The following SLC35F5 variants were observed in gnomAD, a reference collection of about 807,000 sequenced individuals.
The protein encoded by SLC35F5 is solute carrier family 35 member F5.
In SLC35F5, 54 loss-of-function variants were observed where a neutral mutation model predicts 68.6. The observed-to-expected ratio is 0.79, with a 90% CI of 0.63 to 0.99. The LOEUF is 0.99. SLC35F5 is among the 50% of genes least tolerant of loss of function. The pLI is 0.00. For synonymous variants in SLC35F5, 211 were observed against 205.2 expected (o/e 1.03, Z -0.24); for missense variants, 567 against 626.9 (o/e 0.90, Z 1.02).
intron 15 of SLC35F5, among the ~76,000 whole-genome samples, chr2:113,715,598 G>A (rs1242619854): frequency 6.6e-6 from 1 of 152,082 alleles, no homozygotes; most frequent in Non-Finnish European, 1.5e-5. Flanking sequence ...GTGTGAGTAC[G>A]AGAACAATGC....
intron 14 of SLC35F5, among the ~76,000 whole-genome samples, chr2:113,718,102 GAGAC>G (rs1399662209): frequency 6.6e-6 from 1 of 152,112 alleles, no homozygotes; most frequent in African/African-American, 2.4e-5. Flanking sequence ...TTTTAAATAA[GAGAC>G]AGGGTATCAC....
rs1686816750 is a variant in SLC35F5, at chr2:113,707,023, T to A, written c.*8195A>T. Among the ~76,000 whole-genome samples, 1 of 152,208 alleles carries A rather than the reference T, an allele frequency of 6.6e-6. No homozygotes were observed. Among genetic ancestry groups the A allele is most frequent in the Admixed American group, 6.5e-5 (1 of 15,286 alleles). ...TAAGTAGGAATTATAATTAATTTTATAATTGTGTTTAAATTTTAAATACTC... is the reference window on the plus strand; with the variant it reads ...TAAGTAGGAATTATAATTAATTTTAAAATTGTGTTTAAATTTTAAATACTC... On this transcript the variant is annotated 3_prime_UTR_variant, in exon 16 of 16. Coordinates refer to ENST00000245680, the MANE Select transcript of SLC35F5 (RefSeq NM_025181.5).
chr2:113,714,640 T>C lies in SLC35F5; in HGVS notation c.*578A>G, dbSNP rs903687982. ...GTAAATGTAGTGTAAGTGAACCAGATATTTTCTCAAATACTTATTCTTTTT... is the reference window on the plus strand; with the variant it reads ...GTAAATGTAGTGTAAGTGAACCAGACATTTTCTCAAATACTTATTCTTTTT... On this transcript the variant is annotated 3_prime_UTR_variant, in exon 16 of 16. Coordinates refer to ENST00000245680, the MANE Select transcript of SLC35F5 (RefSeq NM_025181.5). 2.0e-5 allele frequency: 3 copies of C among 152,168 alleles called. No homozygotes were observed. Among genetic ancestry groups the C allele is most frequent in the African/African-American group, 4.8e-5 (2 of 41,468 alleles). 9.4% of individuals were successfully genotyped at this position (152,168 alleles called of 1,614,324 possible).
rs566047453 is a variant in SLC35F5 at position 113,715,422 on chromosome 2, T to C, written c.*23-227A>G. Reference sequence around the variant, plus strand: ...AACACTAAAGACTGTGTATTAGCAGTTAGTTGTACTCCTGGTATATTCCAC... The same window carrying C: ...AACACTAAAGACTGTGTATTAGCAGCTAGTTGTACTCCTGGTATATTCCAC... On this transcript the variant is annotated intron_variant, in intron 15 of 15. Transcript: ENST00000245680. 9.5e-4 allele frequency among the ~76,000 whole-genome samples: 144 copies of C among 152,322 alleles called. 1 individual carries two copies. Among genetic ancestry groups the C allele is most frequent in the African/African-American group, 3.3e-3 (138 of 41,578 alleles).
chr2:113,706,321 G>A (rs1334326932), downstream of SLC35F5, among the ~76,000 whole-genome samples: 1 of 152,122 alleles, frequency 6.6e-6, no homozygotes, highest in Non-Finnish European at 1.5e-5. Flanking sequence ...TTTGCCTCCA[G>A]CTGCAGCACC....
At chr2:113,722,045 G>A (rs1446171075) in intron 13 of SLC35F5, among the ~76,000 whole-genome samples, 1 of 140,918 alleles carries the variant, frequency 7.1e-6, no homozygotes, top group African/African-American at 2.7e-5. Flanking sequence ...CATGATCTTG[G>A]CTCACTGCAA....
chr2:113,734,447 A>G (rs1264582227), intron 9 of SLC35F5, 139 bp downstream of exon 9: 1 of 586,566 alleles, frequency 1.7e-6, no homozygotes, highest in African/African-American at 1.9e-5. Context: ...AGGGCTAAGT[A>G]GCATCATGTC....
chr2:113,739,897 T>G lies in SLC35F5; in HGVS notation c.750+2795A>C, dbSNP rs115220622. 9.8e-3 allele frequency among the ~76,000 whole-genome samples: 1,500 copies of G among 152,358 alleles called. 33 individuals carry two copies. Among genetic ancestry groups the G allele is most frequent in the African/African-American group, 0.034 (1,433 of 41,582 alleles). On this transcript the variant is annotated intron_variant, in intron 7 of 15. Transcript: ENST00000245680. ...TGTATGTTGTATGTATTGTATACTA[T>G]ATGCTTACAATAAAGTAAGCTAAAG...
At position 113,756,509 on chromosome 2, in the gene SLC35F5, C is replaced by T; in HGVS notation, c.-100G>A. Reference sequence around the variant, plus strand: ...CTGACATCGCGCCGCACTGGAGGCCCAGCTCCTGAAGACGCGGTGCCCCTC... The same window carrying T: ...CTGACATCGCGCCGCACTGGAGGCCTAGCTCCTGAAGACGCGGTGCCCCTC... On this transcript the variant is annotated 5_prime_UTR_variant, in exon 1 of 16. Coordinates refer to ENST00000245680, the MANE Select transcript of SLC35F5 (RefSeq NM_025181.5). 6.6e-7 allele frequency: 1 copy of T among 1,511,986 alleles called. No homozygotes were observed. Among genetic ancestry groups the T allele is most frequent in the East Asian group, 2.5e-5 (1 of 40,400 alleles). 93.7% of individuals were successfully genotyped at this position (1,511,986 alleles called of 1,614,324 possible). A position where few individuals can be genotyped will look rare whatever the true frequency, so the allele number is the denominator to read the frequency against.
chr2:113,714,455 C>T lies in SLC35F5; in HGVS notation c.*763G>A, dbSNP rs1190879207. 1 of 152,102 alleles carries T rather than the reference C, an allele frequency of 6.6e-6. No individual in the cohort carries two copies. The highest frequency in any genetic ancestry group is 1.5e-5 in the Non-Finnish European group (1 of 67,936). 9.4% of individuals were successfully genotyped at this position (152,102 alleles called of 1,614,324 possible). A position where few individuals can be genotyped will look rare whatever the true frequency, so the allele number is the denominator to read the frequency against. The stretch of plus-strand genomic sequence containing the variant: ...TTGAAGGGAGACTATTTCTTCAAAA[C>T]TCTAAATTAAACAGAGCTTTATCAA... On this transcript the variant is annotated 3_prime_UTR_variant, in exon 16 of 16. Transcript: ENST00000245680.
At chr2:113,725,870 C>T (rs1012547181) in intron 11 of SLC35F5, 1 of 173,676 alleles carries the variant, frequency 5.8e-6, no homozygotes, top group African/African-American at 2.4e-5. Flanking sequence ...AAAGAAATAA[C>T]TGGTATGTAT....
intron 12 of SLC35F5, 125 bp from the exon 13 acceptor site, chr2:113,723,319 G>A: frequency 2.3e-6 from 1 of 440,898 alleles, no homozygotes; most frequent in South Asian, 9.9e-5. Flanking sequence ...AGGCTAGGAT[G>A]GATTGAAACA....
chr2:113,713,749 T>TAAAA lies in SLC35F5; in HGVS notation c.*1465_*1468dup, dbSNP rs879896652. ...TTTTTGCCACTTTGGGCTGGATGAT[T>TAAAA]AAAAAAAAAAAAAAAAAAAAAGAGA... is the stretch of plus-strand genomic sequence containing the variant. On this transcript the variant is annotated 3_prime_UTR_variant, in exon 16 of 16. Transcript: ENST00000245680. The TAAAA allele has an allele frequency of 6.1e-5, 6 of 98,466 alleles. No individual in the cohort carries two copies. Among genetic ancestry groups the TAAAA allele is most frequent in the Admixed American group, 1.1e-4 (1 of 9,500 alleles). 6.1% of individuals were successfully genotyped at this position (98,466 alleles called of 1,614,324 possible).
At chr2:113,704,590 C>T (rs938153529), downstream of SLC35F5, among the ~76,000 whole-genome samples, 11 of 152,088 alleles carry the variant, frequency 7.2e-5, no homozygotes, top group South Asian at 2.1e-4. Context: ...TCGAGCGCAG[C>T]GCCGGTGGGC....
At chr2:113,742,929 A>G (rs1429984899) in intron 6 of SLC35F5, 50 bp from the exon 7 acceptor site, 3 of 1,536,710 alleles carry the variant, frequency 2.0e-6, no homozygotes, top group Non-Finnish European at 2.7e-6. Flanking sequence ...CCTCTCCAAC[A>G]AAAGTCACAA....
chr2:113,750,548 G>A lies in SLC35F5; in HGVS notation c.294C>T (p.Asn98=), dbSNP rs753136586. The A allele has an allele frequency of 6.2e-7, 1 of 1,610,946 alleles. No individual in the cohort carries two copies. Among genetic ancestry groups the A allele is most frequent in the South Asian group, 1.1e-5 (1 of 90,438 alleles). ...TTGCAAAGGTGCTGAAGAATGGTTT[G>A]TTGTACTGGGTAAAAACATACTGTA... ...ELTSYVFTQY[N]KPFFSTFAKT... Residue 98 remains asparagine (N), a synonymous_variant, in exon 4 of 16, where the codon AAC becomes AAT. Coordinates refer to ENST00000245680, the MANE Select transcript of SLC35F5 (RefSeq NM_025181.5).
Position 113,712,489 on chromosome 2 carries a change from G to T in SLC35F5, c.*2729C>A, listed in dbSNP as rs1393165325. Among the ~76,000 whole-genome samples, 1 of 151,896 alleles carries T rather than the reference G, an allele frequency of 6.6e-6. No individual in the cohort carries two copies. The highest frequency in any genetic ancestry group is 1.5e-5 in the Non-Finnish European group (1 of 67,970). ...CGCCACCACGCCCGGCTAATTCTTT[G>T]TATTTTTAGTAGAGACGGGGTTTCA... On this transcript the variant is annotated 3_prime_UTR_variant, in exon 16 of 16. Coordinates refer to ENST00000245680, the MANE Select transcript of SLC35F5 (RefSeq NM_025181.5).
At chr2:113,724,128 T>C (rs1687565860) in intron 12 of SLC35F5, among the ~76,000 whole-genome samples, 1 of 152,184 alleles carries the variant, frequency 6.6e-6, no homozygotes, top group East Asian at 1.9e-4. Context: ...TCCTTATTGA[T>C]GAGGTAAAGG....
intron 10 of SLC35F5, among the ~76,000 whole-genome samples, chr2:113,730,000 T>C (rs867074224): frequency 1.3e-5 from 2 of 152,174 alleles, no homozygotes; most frequent in African/African-American, 2.4e-5. Context: ...TAAAGTTCCA[T>C]TTCTTCCACA....
Sources: gnomAD v4.1 joint callset for allele counts (sites outside exome capture counted in the v4.1 genomes callset) on GRCh38, gnomAD v4.1.1 for gene constraint, MANE v1.5 for transcripts, NCBI Gene and HGNC (gene_info 2026-07-23, HGNC 2026-07-21) for gene names.